Variants in CECR2 observed in about 807,000 individuals in gnomAD.
CECR2 encodes chromatin remodeling regulator CECR2.
A neutral mutation model predicts 154.5 loss-of-function variants in CECR2; 30 were observed. The observed-to-expected ratio is 0.19, with a 90% CI of 0.15 to 0.26. The LOEUF is 0.26. Ranked by LOEUF, CECR2 falls within the 10% of genes least tolerant of loss-of-function variation. CECR2 has a pLI of 1.00. For missense variants in CECR2, 1,743 were observed against 1,829.3 expected, an observed-to-expected ratio of 0.95 and a Z score of 0.86; for synonymous variants, 725 against 683.7, an observed-to-expected ratio of 1.06 and a Z score of -0.94.
intron 1 of CECR2, among the ~76,000 whole-genome samples, chr22:17,448,316 ATAGTC>A (rs2054710526): frequency 6.6e-6 from 1 of 152,176 alleles, no homozygotes; most frequent in Non-Finnish European, 1.5e-5. Flanking sequence ...GTTGATATAA[ATAGTC>A]TAGTTTCAAC....
Position 17,549,128 on chromosome 22 carries a change from G to C in CECR2, c.3841G>C (p.Glu1281Gln). ...NDGQNPGPEEEKLDESMERPE... is the reference protein window; with the variant it reads ...NDGQNPGPEEQKLDESMERPE... ...CGGGCAGAATCCTGGTCCAGAGGAA[G>C]AGAAGCTGGATGAATCTATGGAGAG... is the stretch of plus-strand genomic sequence containing the variant. Residue 1281 changes from glutamate to glutamine, a missense_variant, in exon 17 of 19, where the codon GAG (glutamate) becomes CAG (glutamine). This residue lies in a region of CECR2 where 1,250 missense variants were observed against 1,192.1 expected (regional missense o/e 1.05). Coordinates refer to ENST00000262608, the MANE Select transcript of CECR2 (RefSeq NM_001290047.2). 1 of 1,614,042 alleles carries C rather than the reference G, an allele frequency of 6.2e-7. No individual in the cohort carries two copies. The highest frequency in any genetic ancestry group is 8.5e-7 in the Non-Finnish European group (1 of 1,179,880).
chr22:17,410,439 T>G (rs968794061), intron 1 of CECR2, among the ~76,000 whole-genome samples: 6 of 151,934 alleles, frequency 3.9e-5, no homozygotes, highest in Non-Finnish European at 7.4e-5. Context: ...AACAAGCGTT[T>G]TTTTGTTTTG....
At chr22:17,504,622 T>C (rs1210929403) in intron 6 of CECR2, among the ~76,000 whole-genome samples, 3 of 148,792 alleles carry the variant, frequency 2.0e-5, no homozygotes, top group African/African-American at 7.4e-5. Context: ...TTTCTATTTT[T>C]AGTAGAGACG....
intron 1 of CECR2, among the ~76,000 whole-genome samples, chr22:17,472,504 A>C (rs1485736014): frequency 6.6e-6 from 1 of 152,202 alleles, no homozygotes; most frequent in Non-Finnish European, 1.5e-5. Flanking sequence ...ACTACGTAGT[A>C]GTTGGTCCCC....
At chr22:17,524,885 T>A (rs1405237235) in intron 9 of CECR2, 16 of 407,570 alleles carry the variant, frequency 3.9e-5, no homozygotes, top group Non-Finnish European at 7.4e-5. Flanking sequence ...CAGGTTGGTC[T>A]CAAACTGCTG....
chr22:17,433,348 T>TAA (rs1163477062), intron 1 of CECR2, among the ~76,000 whole-genome samples: 1 of 152,240 alleles, frequency 6.6e-6, no homozygotes, highest in African/African-American at 2.4e-5. Flanking sequence ...AGGTTGTCAG[T>TAA]AACACATGTC....
At chr22:17,395,735 AT>A (rs1299149032) in intron 1 of CECR2, among the ~76,000 whole-genome samples, 4 of 152,164 alleles carry the variant, frequency 2.6e-5, no homozygotes. Flanking sequence ...CAGAAAAAAA[AT>A]TTTGTAATAT....
Position 17,419,811 on chromosome 22 carries a change from A to T in CECR2, c.126+49902A>T, listed in dbSNP as rs2106121. On this transcript the variant is annotated intron_variant, in intron 1 of 18. Transcript: ENST00000262608. ...ATTGGTCAAAAAATTTGGTGCTCAG[A>T]ATATAGCTCAGAGGATTAGAGGATT... 6.2e-3 allele frequency: 1,738 copies of T among 279,078 alleles called. 20 individuals carry two copies. The highest frequency in any genetic ancestry group is 0.019 in the Admixed American group (478 of 24,880). The allele number at this position is 279,078 out of a possible 1,614,324, so 17.3% of individuals were successfully genotyped here.
rs371574687 is a variant in CECR2 at position 17,505,034 on chromosome 22, CTCTG to C, written c.870+21_870+24del. On this transcript the variant is annotated intron_variant, in intron 7 of 18. Transcript: ENST00000262608. ...CCCAGAAGGTGCGCCACACTCTCTG[CTCTG>C]TCCTCCTCAGTGTTAGGCCTGATGC... The C allele has an allele frequency of 6.2e-7, 1 of 1,609,596 alleles. No homozygotes were observed.
intron 1 of CECR2, among the ~76,000 whole-genome samples, chr22:17,388,475 C>T (rs1192901815): frequency 1.3e-5 from 2 of 152,104 alleles, no homozygotes; most frequent in African/African-American, 4.8e-5. Flanking sequence ...CCCATACCGG[C>T]AGACTTCAGG....
At chr22:17,487,471 G>T (rs143551589) in intron 2 of CECR2, among the ~76,000 whole-genome samples, 26,524 of 152,102 alleles carry the variant, frequency 0.17, 2,391 homozygotes, top group Non-Finnish European at 0.19. Context: ...AGGCCGAGGC[G>T]GGTGGATCAC....
At chr22:17,532,320 T>G (rs1406025239) in intron 9 of CECR2, among the ~76,000 whole-genome samples, 1 of 152,232 alleles carries the variant, frequency 6.6e-6, no homozygotes, top group African/African-American at 2.4e-5. Context: ...ATCTAGTTAT[T>G]GACAGGGTTT....
At chr22:17,552,788 A>G (rs1424118949) in intron 18 of CECR2, 47 bp from the exon 19 acceptor site, 2 of 752,844 alleles carry the variant, frequency 2.7e-6, no homozygotes, top group Non-Finnish European at 1.8e-6. Flanking sequence ...TTTTTTTTTT[A>G]ACAACCCAAT....
Position 17,437,229 on chromosome 22 carries a change from C to T in CECR2, c.127-40359C>T, listed in dbSNP as rs145064815. Among the ~76,000 whole-genome samples the T allele has an allele frequency of 2.2e-3, 342 of 152,236 alleles. 2 individuals carry two copies. The highest frequency in any genetic ancestry group is 7.9e-3 in the African/African-American group (327 of 41,544). Reference sequence around the variant, plus strand: ...CCCCCTTGGCCTCCTAAATTAGATACATTCCCCCTCTGCTCCCAGACGTCT... The same window carrying T: ...CCCCCTTGGCCTCCTAAATTAGATATATTCCCCCTCTGCTCCCAGACGTCT... On this transcript the variant is annotated intron_variant, in intron 1 of 18. Coordinates refer to ENST00000262608, the MANE Select transcript of CECR2 (RefSeq NM_001290047.2).
At chr22:17,397,765 G>T (rs1467604333) in intron 1 of CECR2, among the ~76,000 whole-genome samples, 1 of 152,192 alleles carries the variant, frequency 6.6e-6, no homozygotes, top group African/African-American at 2.4e-5. Flanking sequence ...CCAAAGTGCT[G>T]GGATTACAGG....
Position 17,548,796 on chromosome 22 carries a change from C to G in CECR2, c.3509C>G (p.Ser1170Cys). The change falls in exon 17 of 19, where the codon TCT becomes TGT. Residue 1170 changes from serine (S) to cysteine (C), a missense_variant. Ser to Cys is a moderately radical substitution (Grantham distance 112). Around this residue, in one of 4 missense-constraint regions of CECR2, gnomAD observed 1,250 missense variants for 1,192.1 expected, o/e 1.05. Transcript: ENST00000262608. Reference protein sequence around the residue: ...PRGFQSNHPHSGGFPRYRPPQ... With the variant: ...PRGFQSNHPHCGGFPRYRPPQ... ...GGCTTTCAGTCTAACCACCCACATT[C>G]TGGAGGCTTTCCCCGGTATCGCCCC... The G allele has an allele frequency of 6.2e-7, 1 of 1,613,794 alleles. No homozygotes were observed. Among genetic ancestry groups the G allele is most frequent in the Non-Finnish European group, 8.5e-7 (1 of 1,179,860 alleles).
chr22:17,404,554 T>C (rs926232155), intron 1 of CECR2, among the ~76,000 whole-genome samples: 5 of 140,266 alleles, frequency 3.6e-5, no homozygotes, highest in Non-Finnish European at 6.1e-5. Flanking sequence ...TTTGTATTTT[T>C]AGTAGAGACG....
chr22:17,458,367 TTGCACCAATGCACTACA>T (rs1324069393), intron 1 of CECR2, among the ~76,000 whole-genome samples: 1 of 151,216 alleles, frequency 6.6e-6, no homozygotes, highest in Admixed American at 6.6e-5. Flanking sequence ...TGAGCTGAGA[TTGCACCAATGCACTACA>T]ACCTGGGCGA....
intron 2 of CECR2, among the ~76,000 whole-genome samples, chr22:17,481,291 C>T (rs1386013324): frequency 2.1e-5 from 3 of 142,380 alleles, no homozygotes; most frequent in African/African-American, 5.2e-5. Flanking sequence ...TGCAGTGAGC[C>T]AAGATCGTGT....
Sources: allele counts gnomAD v4.1 joint callset (sites outside exome capture counted in the v4.1 genomes callset), GRCh38; gene constraint gnomAD v4.1.1; regional missense constraint gnomAD v4.1.1; transcripts MANE v1.5; gene names NCBI Gene and HGNC (gene_info 2026-07-23, HGNC 2026-07-21).